RARB: variants seen among roughly 807,000 people sequenced by gnomAD.
RARB encodes retinoic acid receptor beta, also known as HBV-activated protein.
A neutral mutation model predicts 51.9 loss-of-function variants in RARB; 17 were observed. That is an observed-to-expected ratio of 0.33 (90% CI 0.22 to 0.49). RARB has a LOEUF of 0.49. RARB is among the 20% of genes least tolerant of loss of function. The pLI is 0.99. For missense variants in RARB, 369 were observed against 550.8 expected, an observed-to-expected ratio of 0.67 and a Z score of 3.30; for synonymous variants, 215 against 195.4, an observed-to-expected ratio of 1.10 and a Z score of -0.84.
intron 4 of RARB, among the ~76,000 whole-genome samples, chr3:25,166,118 A>G (rs982065941): frequency 2.0e-5 from 3 of 151,988 alleles, no homozygotes; most frequent in African/African-American, 4.8e-5. Context: ...ACTCTCTTCC[A>G]TCTCCTTTAT....
At chr3:25,422,630 A>G (rs1237973961) in intron 5 of RARB, among the ~76,000 whole-genome samples, 1 of 152,120 alleles carries the variant, frequency 6.6e-6, no homozygotes, top group Non-Finnish European at 1.5e-5. Flanking sequence ...AATGAAGACA[A>G]TAAGGTAGAA....
intron 5 of RARB, among the ~76,000 whole-genome samples, chr3:25,210,993 G>A (rs78081579): frequency 6.6e-6 from 1 of 152,080 alleles, no homozygotes. Context: ...CTGTGCCTCA[G>A]TTTCCTCATT....
At chr3:25,493,282 T>G (rs983893361) in intron 2 of RARB, among the ~76,000 whole-genome samples, 3 of 152,198 alleles carry the variant, frequency 2.0e-5, no homozygotes, top group African/African-American at 7.2e-5. Context: ...TCCCCCCAAA[T>G]TTTGCTATGA....
chr3:25,478,042 T>G (rs780038230), intron 2 of RARB, among the ~76,000 whole-genome samples: 5 of 152,164 alleles, frequency 3.3e-5, no homozygotes, highest in Non-Finnish European at 7.3e-5. Context: ...TTGGGCCTCC[T>G]TACAAAATGG....
intron 5 of RARB, among the ~76,000 whole-genome samples, chr3:25,353,315 A>G (rs977051317): frequency 6.6e-6 from 1 of 152,152 alleles, no homozygotes; most frequent in Non-Finnish European, 1.5e-5. Flanking sequence ...TTATATCACC[A>G]TACTATAGAG....
At chr3:25,525,998 T>C (rs1027776113) in intron 3 of RARB, among the ~76,000 whole-genome samples, 2 of 152,172 alleles carry the variant, frequency 1.3e-5, no homozygotes, top group Non-Finnish European at 1.5e-5. Flanking sequence ...TTTTCATTTA[T>C]ATGGAAGGTA....
chr3:25,230,874 C>T (rs1384090368), intron 5 of RARB, among the ~76,000 whole-genome samples: 1 of 152,080 alleles, frequency 6.6e-6, no homozygotes, highest in Non-Finnish European at 1.5e-5. Context: ...TATTTTGTTC[C>T]ATTTTAAACT....
chr3:25,281,122 T>A (rs532094286), intron 5 of RARB, among the ~76,000 whole-genome samples: 1 of 152,334 alleles, frequency 6.6e-6, no homozygotes, highest in East Asian at 1.9e-4. Context: ...AGATTATAAA[T>A]CCACTCTCTT....
intron 3 of RARB, among the ~76,000 whole-genome samples, chr3:25,533,007 A>G (rs1698992097): frequency 6.6e-6 from 1 of 152,190 alleles, no homozygotes; most frequent in South Asian, 2.1e-4. Flanking sequence ...ATAGCTAATG[A>G]GCCAGAAGGT....
Position 25,514,508 on chromosome 3 carries a change from T to TAA in RARB, c.448+13196_448+13197dup, listed in dbSNP as rs113460115. On this transcript the variant is annotated intron_variant, in intron 3 of 7. Coordinates refer to ENST00000330688, the MANE Select transcript of RARB (RefSeq NM_000965.5). ...ACCAAGCGTAAAATACCTCCATGAT[T>TAA]AAAAAAAAAAAATCTGCTCCTTTCA... is the stretch of plus-strand genomic sequence containing the variant. 1.1e-3 allele frequency among the ~76,000 whole-genome samples: 157 copies of TAA among 146,758 alleles called. 3 individuals are homozygous for TAA. In the South Asian group the frequency reaches 0.033, roughly 31 times the overall value.
chr3:24,914,860 G>C lies in RARB; in HGVS notation c.-380+56108G>C, dbSNP rs1695072351. Among the ~76,000 whole-genome samples the C allele has an allele frequency of 2.0e-5, 3 of 152,162 alleles. No homozygotes were observed. In the South Asian group the frequency reaches 6.2e-4, roughly 32 times the overall value. On this transcript the variant is annotated intron_variant, in intron 2 of 11. Coordinates refer to the RARB transcript ENST00000383772. Reference sequence around the variant, plus strand: ...GTGGTAATCTCAGTACTAACAGATGGTATTGTCCTGTCTTAACCACCTGTG... The same window carrying C: ...GTGGTAATCTCAGTACTAACAGATGCTATTGTCCTGTCTTAACCACCTGTG...
chr3:25,374,788 G>C (rs986363837), intron 5 of RARB, among the ~76,000 whole-genome samples: 1 of 152,150 alleles, frequency 6.6e-6, no homozygotes, highest in Non-Finnish European at 1.5e-5. Context: ...CTTCTTTTCA[G>C]AATGTACAAG....
At chr3:25,205,207 C>T (rs978423491) in intron 5 of RARB, among the ~76,000 whole-genome samples, 6 of 152,158 alleles carry the variant, frequency 3.9e-5, no homozygotes, top group East Asian at 1.9e-4. Context: ...GCTCCATGGG[C>T]GTAGGACCCT....
At chr3:24,925,364 C>G (rs1258318733) in intron 2 of RARB, among the ~76,000 whole-genome samples, 1 of 152,038 alleles carries the variant, frequency 6.6e-6, no homozygotes, top group South Asian at 2.1e-4. Context: ...AATCTCAGGC[C>G]TGGCATGGTG....
intron 4 of RARB, among the ~76,000 whole-genome samples, chr3:25,572,951 A>G (rs1033110971): frequency 6.6e-6 from 1 of 152,146 alleles, no homozygotes; most frequent in African/African-American, 2.4e-5. Context: ...CGCTCCTGGA[A>G]CATGCGCCCT....
chr3:25,148,050 A>T (rs1459762187), intron 4 of RARB, among the ~76,000 whole-genome samples: 2 of 152,210 alleles, frequency 1.3e-5, no homozygotes, highest in Admixed American at 6.5e-5. Context: ...TGTTTATGTG[A>T]TCTAGTCAAA....
At chr3:25,162,903 G>A (rs1277394728) in intron 4 of RARB, among the ~76,000 whole-genome samples, 2 of 152,138 alleles carry the variant, frequency 1.3e-5, no homozygotes, top group Non-Finnish European at 2.9e-5. Context: ...GGTTTTATGT[G>A]GACATGTTTT....
chr3:25,125,551 G>A (rs1469794929), intron 3 of RARB, among the ~76,000 whole-genome samples: 1 of 152,166 alleles, frequency 6.6e-6, no homozygotes, highest in African/African-American at 2.4e-5. Flanking sequence ...CTCTGAGGAG[G>A]AGGCATTTAA....
At chr3:24,936,495 A>G (rs765885018) in intron 2 of RARB, among the ~76,000 whole-genome samples, 5 of 152,228 alleles carry the variant, frequency 3.3e-5, no homozygotes, top group Admixed American at 6.5e-5. Context: ...GCAGCTAACA[A>G]TCAACTCAAA....
Sources: gnomAD v4.1 joint callset for allele counts (sites outside exome capture counted in the v4.1 genomes callset) on GRCh38, gnomAD v4.1.1 for gene constraint, MANE v1.5 for transcripts, NCBI Gene and HGNC (gene_info 2026-07-23, HGNC 2026-07-21) for gene names.